PCDHA7: variants seen among roughly 807,000 people sequenced by gnomAD.
PCDHA7 encodes the protein protocadherin alpha 7.
Under a neutral mutation model 57.2 loss-of-function variants are expected in PCDHA7, and 37 were observed. That is an observed-to-expected ratio of 0.65 (90% CI 0.50 to 0.85). The LOEUF (loss-of-function observed/expected upper bound fraction) is 0.85. Ranked by LOEUF, PCDHA7 falls within the 40% of genes least tolerant of loss-of-function variation. PCDHA7 has a pLI of 0.00. For missense variants in PCDHA7, 1,188 were observed against 1,241.8 expected, an observed-to-expected ratio of 0.96 and a Z score of 0.65; for synonymous variants, 553 against 558.8, an observed-to-expected ratio of 0.99 and a Z score of 0.15.
intron 2 of PCDHA7, among the ~76,000 whole-genome samples, chr5:140,981,648 C>T (rs1294806137): frequency 6.6e-6 from 1 of 152,020 alleles, no homozygotes; most frequent in Non-Finnish European, 1.5e-5. Context: ...TCTTAGGATC[C>T]CACTTATTTC....
At chr5:140,952,960 T>C (rs1195156838) in intron 1 of PCDHA7, among the ~76,000 whole-genome samples, 3 of 151,932 alleles carry the variant, frequency 2.0e-5, no homozygotes, top group Non-Finnish European at 4.4e-5. Flanking sequence ...GGGGAAGTGA[T>C]ACACACTTTT....
At chr5:140,839,253 T>C (rs1187384033) in intron 1 of PCDHA7, among the ~76,000 whole-genome samples, 1 of 152,096 alleles carries the variant, frequency 6.6e-6, no homozygotes, top group African/African-American at 2.4e-5. Flanking sequence ...CTTTTATGCT[T>C]ACATGCATGT....
intron 1 of PCDHA7, among the ~76,000 whole-genome samples, chr5:140,898,476 G>A (rs1167001415): frequency 6.6e-6 from 1 of 152,072 alleles, no homozygotes; most frequent in Non-Finnish European, 1.5e-5. Flanking sequence ...TTTTTCTCAG[G>A]TTTGTCAAAG....
chr5:140,878,600 A>G (rs2153362487), intron 1 of PCDHA7, among the ~76,000 whole-genome samples: 1 of 152,320 alleles, frequency 6.6e-6, no homozygotes, highest in East Asian at 1.9e-4. Context: ...TACCAAGTGA[A>G]TCTTCTAATG....
At chr5:140,943,157 C>T (rs2093427609) in intron 1 of PCDHA7, among the ~76,000 whole-genome samples, 1 of 148,876 alleles carries the variant, frequency 6.7e-6, no homozygotes, top group South Asian at 2.1e-4. Context: ...ACTCTGGAGG[C>T]TGAGGCAGGA....
At chr5:140,976,724 T>C (rs372662527) in intron 1 of PCDHA7, among the ~76,000 whole-genome samples, 6 of 152,202 alleles carry the variant, frequency 3.9e-5, no homozygotes, top group African/African-American at 1.4e-4. Flanking sequence ...AGTTCATTTA[T>C]TTAAACACAT....
chr5:141,004,531 C>A (rs1051693064), intron 3 of PCDHA7, among the ~76,000 whole-genome samples: 2 of 152,234 alleles, frequency 1.3e-5, no homozygotes, highest in Admixed American at 1.3e-4. Flanking sequence ...ATACACACAG[C>A]CATTAATGTC....
chr5:140,956,137 A>C (rs374405911), intron 1 of PCDHA7, among the ~76,000 whole-genome samples: 1 of 152,114 alleles, frequency 6.6e-6, no homozygotes. Flanking sequence ...AATACCCTTT[A>C]TTTCTTTCTC....
chr5:140,894,919 T>C (rs1188144925), intron 1 of PCDHA7, among the ~76,000 whole-genome samples: 1 of 152,348 alleles, frequency 6.6e-6, no homozygotes, highest in Non-Finnish European at 1.5e-5. Context: ...TGTTGCTCTA[T>C]AGATTTCTAT....
intron 3 of PCDHA7, among the ~76,000 whole-genome samples, chr5:140,996,177 C>T (rs1214472705): frequency 6.6e-6 from 1 of 152,226 alleles, no homozygotes; most frequent in Non-Finnish European, 1.5e-5. Flanking sequence ...GCTGACAGCA[C>T]CTCCATTTTA....
At chr5:140,870,938 C>T in intron 1 of PCDHA7, 5 of 1,613,724 alleles carry the variant, frequency 3.1e-6, no homozygotes, top group East Asian at 2.2e-5. Flanking sequence ...GAATTGCAGC[C>T]GGCGGCGGGC....
chr5:140,877,121 C>A, intron 1 of PCDHA7: 1 of 1,613,694 alleles, frequency 6.2e-7, no homozygotes, highest in African/African-American at 1.3e-5. Flanking sequence ...AGCAACGTGA[C>A]GCTGCAGGTG....
At chr5:140,893,261 C>T (rs2063902016) in intron 1 of PCDHA7, among the ~76,000 whole-genome samples, 1 of 152,104 alleles carries the variant, frequency 6.6e-6, no homozygotes, top group Non-Finnish European at 1.5e-5. Context: ...TGGATAAATG[C>T]CCAATAGTGG....
intron 1 of PCDHA7, chr5:140,969,176 G>T (rs1554231542): frequency 6.2e-7 from 1 of 1,614,102 alleles, no homozygotes; most frequent in African/African-American, 1.3e-5. Context: ...CTCAGGGAGT[G>T]ACACTTTCAT....
intron 1 of PCDHA7, among the ~76,000 whole-genome samples, chr5:140,912,641 G>C (rs2076009138): frequency 6.6e-6 from 1 of 152,128 alleles, no homozygotes; most frequent in African/African-American, 2.4e-5. Flanking sequence ...TCAGTACTAT[G>C]TTGAATAGAA....
intron 1 of PCDHA7, chr5:140,870,462 G>A (rs181856615): frequency 6.4e-4 from 1,040 of 1,614,196 alleles, no homozygotes; most frequent in Non-Finnish European, 8.0e-4. Flanking sequence ...ATGCGCCTGC[G>A]TTCGCACAGC....
rs140680694 is a variant in PCDHA7, at chr5:140,925,580, G to A, written c.2356-53369G>A. 5.4e-3 allele frequency among the ~76,000 whole-genome samples: 819 copies of A among 151,688 alleles called. 10 individuals carry two copies. The highest frequency in any genetic ancestry group is 0.019 in the African/African-American group (777 of 41,364). On this transcript the variant is annotated intron_variant, in intron 1 of 3. Transcript: ENST00000525929. ...GTTAATGGGTGCAGCACACCAACATGGCGCATGTATACATATGTAACAAAC... is the reference window on the plus strand; with the variant it reads ...GTTAATGGGTGCAGCACACCAACATAGCGCATGTATACATATGTAACAAAC...
chr5:140,983,009 G>C (rs1272086703), intron 3 of PCDHA7, among the ~76,000 whole-genome samples: 2 of 151,884 alleles, frequency 1.3e-5, no homozygotes, highest in Non-Finnish European at 2.9e-5. Flanking sequence ...AAAGAAAAAG[G>C]AAGGAAGGAA....
At chr5:140,911,299 T>A (rs1583781432) in intron 1 of PCDHA7, among the ~76,000 whole-genome samples, 1 of 152,154 alleles carries the variant, frequency 6.6e-6, no homozygotes, top group Non-Finnish European at 1.5e-5. Flanking sequence ...CTTTTACATA[T>A]CCCCATTCCA....
Sources: gnomAD v4.1 joint callset for allele counts (sites outside exome capture counted in the v4.1 genomes callset) on GRCh38, gnomAD v4.1.1 for gene constraint, MANE v1.5 for transcripts, NCBI Gene and HGNC (gene_info 2026-07-23, HGNC 2026-07-21) for gene names.